The following TEC variants were observed in gnomAD, a reference collection of about 807,000 sequenced individuals.
TEC encodes tyrosine-protein kinase Tec.
TEC carries 72 observed loss-of-function variants against 93.0 expected under a neutral mutation model. The ratio of observed to expected loss-of-function variants is 0.77; its 90% confidence interval spans 0.64 to 0.94. The LOEUF (loss-of-function observed/expected upper bound fraction) is 0.94, where lower values mean the gene tolerates loss of function less well. Among genes scored for constraint, TEC ranks in the 40% least tolerant of loss-of-function variants. TEC has a pLI of 0.00. For missense variants in TEC, 630 were observed against 757.9 expected (o/e 0.83, Z 1.98); for synonymous variants, 249 against 247.7 (o/e 1.01, Z -0.05).
At chr4:48,237,057 TGCG>T (rs1191350307) in intron 1 of TEC, among the ~76,000 whole-genome samples, 1 of 152,122 alleles carries the variant, frequency 6.6e-6, no homozygotes, top group African/African-American at 2.4e-5. Context: ...ATAGGCCAGG[TGCG>T]GTGACTTACG....
At chr4:48,227,655 A>AC (rs1279655710) in intron 2 of TEC, among the ~76,000 whole-genome samples, 1 of 151,822 alleles carries the variant, frequency 6.6e-6, no homozygotes, top group African/African-American at 2.4e-5. Context: ...AAAAAAAAAA[A>AC]AAAAAACTAA....
intron 7 of TEC, among the ~76,000 whole-genome samples, chr4:48,165,214 C>T (rs1720830805): frequency 6.6e-6 from 1 of 152,048 alleles, no homozygotes; most frequent in African/African-American, 2.4e-5. Context: ...TGGATTGGAA[C>T]CAAATATATA....
At chr4:48,219,091 T>C (rs1408072295) in intron 2 of TEC, among the ~76,000 whole-genome samples, 1 of 152,252 alleles carries the variant, frequency 6.6e-6, no homozygotes, top group Admixed American at 6.5e-5. Flanking sequence ...TCAGTCATTA[T>C]TATAAACATT....
At chr4:48,197,917 C>T (rs1357060326) in intron 2 of TEC, among the ~76,000 whole-genome samples, 1 of 152,152 alleles carries the variant, frequency 6.6e-6, no homozygotes, top group Non-Finnish European at 1.5e-5. Flanking sequence ...CCCTTAAAAG[C>T]ACCATTTAGG....
intron 3 of TEC, among the ~76,000 whole-genome samples, chr4:48,175,444 A>G (rs1310019238): frequency 6.6e-6 from 1 of 152,174 alleles, no homozygotes; most frequent in Non-Finnish European, 1.5e-5. Context: ...GGAAGTGGTG[A>G]GGTGCTGGGG....
At chr4:48,161,781 T>G (rs1376151989) in intron 8 of TEC, among the ~76,000 whole-genome samples, 2 of 152,076 alleles carry the variant, frequency 1.3e-5, no homozygotes, top group African/African-American at 4.8e-5. Context: ...ACCCTCAATC[T>G]GGATGGGCAC....
intron 1 of TEC, among the ~76,000 whole-genome samples, chr4:48,266,753 G>A (rs756171815): frequency 2.0e-5 from 3 of 151,668 alleles, no homozygotes; most frequent in African/African-American, 7.3e-5. Flanking sequence ...CAGGAGAATC[G>A]CTTGAACCCG....
Position 48,141,365 on chromosome 4 carries a change from C to CA in TEC, c.1524dup (p.Gly509TrpfsTer9). ...TATACTTGGACATACCTGGCCATTC[C>CA]AAAATCAGATACTTTTACAACTCCC... On this transcript the variant is annotated frameshift_variant, in exon 15 of 18. Coordinates refer to ENST00000381501, the MANE Select transcript of TEC (RefSeq NM_003215.3). LOFTEE classifies it high-confidence loss of function. The CA allele has an allele frequency of 6.2e-7, 1 of 1,613,780 alleles. No homozygotes were observed. Among genetic ancestry groups the CA allele is most frequent in the Non-Finnish European group, 8.5e-7 (1 of 1,179,904 alleles).
intron 2 of TEC, among the ~76,000 whole-genome samples, chr4:48,195,991 C>A (rs1054253050): frequency 2.0e-5 from 3 of 152,168 alleles, no homozygotes; most frequent in African/African-American, 7.2e-5. Flanking sequence ...TTCCTTACCC[C>A]CGCCTCACCT....
At chr4:48,234,823 A>G (rs1029967101) in intron 1 of TEC, among the ~76,000 whole-genome samples, 1 of 152,188 alleles carries the variant, frequency 6.6e-6, no homozygotes, top group Non-Finnish European at 1.5e-5. Context: ...AGAAGGAGGA[A>G]AAGGTAGCAG....
chr4:48,168,559 A>T, intron 6 of TEC, 27 bp downstream of exon 6: 4 of 1,609,128 alleles, frequency 2.5e-6, no homozygotes, highest in Non-Finnish European at 3.4e-6. Flanking sequence ...TGTAAAGATT[A>T]ACTATCAAAA....
intron 8 of TEC, 100 bp from the exon 9 acceptor site, chr4:48,156,834 T>C (rs1271806332): frequency 1.9e-5 from 17 of 913,288 alleles, no homozygotes; most frequent in Non-Finnish European, 2.7e-5. Context: ...ATAATAAATA[T>C]AACAAATAAG....
intron 3 of TEC, among the ~76,000 whole-genome samples, chr4:48,175,411 T>C (rs534738154): frequency 3.3e-5 from 5 of 152,134 alleles, no homozygotes; most frequent in African/African-American, 9.6e-5. Flanking sequence ...AAGGAGAGCA[T>C]AAAAACATCC....
At position 48,136,739 on chromosome 4, in the gene TEC, C is replaced by G. The variant is rs1719439234; in HGVS notation, c.*677G>C. 2 of 152,048 alleles carry G rather than the reference C, an allele frequency of 1.3e-5. No homozygotes were observed. The highest frequency in any genetic ancestry group is 2.9e-5 in the Non-Finnish European group (2 of 68,014). The allele number at this position is 152,048 out of a possible 1,614,324, so 9.4% of individuals were successfully genotyped here. ...AATTAACAGCTATAAGGCACAGTCT[C>G]TAGTCCTAAGAAGGTGAACTCCTAT... is the stretch of plus-strand genomic sequence containing the variant. On this transcript the variant is annotated 3_prime_UTR_variant, in exon 18 of 18. Transcript: ENST00000381501.
At chr4:48,258,042 G>C (rs1724390847) in intron 1 of TEC, among the ~76,000 whole-genome samples, 1 of 151,990 alleles carries the variant, frequency 6.6e-6, no homozygotes, top group Non-Finnish European at 1.5e-5. Context: ...AATGTTTTCA[G>C]TTAAGACTTT....
chr4:48,201,825 G>C lies in TEC; in HGVS notation c.139-25639C>G, dbSNP rs762391434. 4.6e-5 allele frequency among the ~76,000 whole-genome samples: 7 copies of C among 152,284 alleles called. No individual in the cohort carries two copies. In the East Asian group the frequency reaches 1.3e-3, roughly 29 times the overall value. ...GTGGAGGGATCTCCATGCCAGAGGA[G>C]GGGAGGAGAAATCATTCCCTTTCTC... On this transcript the variant is annotated intron_variant, in intron 2 of 17. Transcript: ENST00000381501.
At chr4:48,212,526 T>C (rs1722949185) in intron 2 of TEC, among the ~76,000 whole-genome samples, 1 of 152,192 alleles carries the variant, frequency 6.6e-6, no homozygotes, top group African/African-American at 2.4e-5. Flanking sequence ...CGTGGGCAAA[T>C]CTGTGGGTTG....
chr4:48,159,812 G>A (rs1357553614), intron 8 of TEC, among the ~76,000 whole-genome samples: 1 of 152,102 alleles, frequency 6.6e-6, no homozygotes, highest in Admixed American at 6.5e-5. Flanking sequence ...CAAAGTATTG[G>A]GATTACAGGT....
chr4:48,237,866 T>C (rs1459270118), intron 1 of TEC, among the ~76,000 whole-genome samples: 4 of 152,238 alleles, frequency 2.6e-5, no homozygotes, highest in Admixed American at 2.0e-4. Context: ...ACAAAGTTAC[T>C]ATTTGTTTGC....
Sources: allele counts gnomAD v4.1 joint callset (sites outside exome capture counted in the v4.1 genomes callset), GRCh38; gene constraint gnomAD v4.1.1; transcripts MANE v1.5; gene names NCBI Gene and HGNC (gene_info 2026-07-23, HGNC 2026-07-21).